The following EP400 variants were observed in gnomAD, a reference collection of about 807,000 sequenced individuals.
EP400 encodes E1A-binding protein p400.
A neutral mutation model predicts 354.1 loss-of-function variants in EP400; 105 were observed. That is an observed-to-expected ratio of 0.30 (90% CI 0.25 to 0.35). The LOEUF (loss-of-function observed/expected upper bound fraction) is 0.35, where lower values mean the gene tolerates loss of function less well. Among genes scored for constraint, EP400 ranks in the 10% least tolerant of loss-of-function variants. The pLI is 1.00. For synonymous variants in EP400, 1,646 were observed against 1,716.9 expected (o/e 0.96, Z 1.02); for missense variants, 3,280 against 4,121.0 (o/e 0.80, Z 5.59).
At position 131,987,803 on chromosome 12, in the gene EP400, C is replaced by T. The variant is rs1892902134; in HGVS notation, c.2322C>T (p.Ser774=). ...PKLQEAPRPK[S]HWDYLLEEMQ... The stretch of plus-strand genomic sequence containing the variant: ...TGCAGGAGGCCCCACGCCCCAAGTC[C>T]CACTGGGACTATCTGCTGGAGGAGA... Residue 774 remains serine (S), a synonymous_variant, in exon 7 of 53, where the codon TCC becomes TCT. Transcript: ENST00000389561. 6.2e-7 allele frequency: 1 copy of T among 1,613,370 alleles called. No individual in the cohort carries two copies. Among genetic ancestry groups the T allele is most frequent in the South Asian group, 1.1e-5 (1 of 91,002 alleles).
At chr12:131,997,371 C>T (rs572604739) in intron 12 of EP400, among the ~76,000 whole-genome samples, 4 of 151,592 alleles carry the variant, frequency 2.6e-5, no homozygotes, top group South Asian at 4.2e-4. Flanking sequence ...TGGGCTCAGA[C>T]GATCCTTCCA....
chr12:131,994,848 T>C lies in EP400; in HGVS notation c.2738-19T>C. On this transcript the variant is annotated intron_variant, in intron 11 of 52. Transcript: ENST00000389561. The surrounding 1 kb of genome is among the most constrained non-coding windows in gnomAD (Gnocchi z 4.6). ...AAGTGGTGTTGCCTCTCAGTGACACTTGCTGATAACCATTTTAGTGGACGA... is the reference window on the plus strand; with the variant it reads ...AAGTGGTGTTGCCTCTCAGTGACACCTGCTGATAACCATTTTAGTGGACGA... 1 of 1,612,820 alleles carries C rather than the reference T, an allele frequency of 6.2e-7. No homozygotes were observed. Among genetic ancestry groups the C allele is most frequent in the South Asian group, 1.1e-5 (1 of 90,934 alleles).
Position 132,043,698 on chromosome 12 carries a change from T to C in EP400, c.6420T>C (p.Ser2140=), listed in dbSNP as rs2136575951. ...ALNYLELFHT[S]IEQEKERNSE... The stretch of plus-strand genomic sequence containing the variant: ...ATTACCTGGAATTATTCCATACTTC[T>C]ATTGAGCAAGAAAAGGAGAGAAACA... Residue 2140 remains serine (S), a synonymous_variant, in exon 34 of 53, where the codon TCT becomes TCC. Coordinates refer to ENST00000389561, the MANE Select transcript of EP400 (RefSeq NM_015409.5). The C allele has an allele frequency of 6.2e-7, 1 of 1,611,620 alleles. No homozygotes were observed. The highest frequency in any genetic ancestry group is 8.5e-7 in the Non-Finnish European group (1 of 1,179,446).
At chr12:132,063,928 C>G (rs141007730) in intron 47 of EP400, among the ~76,000 whole-genome samples, 210 of 152,316 alleles carry the variant, frequency 1.4e-3, no homozygotes, top group Non-Finnish European at 2.6e-3. Context: ...CCAGGCCCAG[C>G]AGAGGCAACT....
intron 39 of EP400, among the ~76,000 whole-genome samples, chr12:132,049,186 G>A (rs763200608): frequency 6.6e-5 from 10 of 152,232 alleles, no homozygotes; most frequent in Non-Finnish European, 1.3e-4. Flanking sequence ...GCGGGGCGGG[G>A]CATTCATGCC....
intron 39 of EP400, among the ~76,000 whole-genome samples, chr12:132,047,276 G>A (rs904891690): frequency 1.3e-5 from 2 of 151,970 alleles, no homozygotes; most frequent in African/African-American, 4.8e-5. Flanking sequence ...CATTAATTAG[G>A]TTTTCTGTGT....
At chr12:131,979,519 T>G (rs1462247200) in intron 2 of EP400, among the ~76,000 whole-genome samples, 175 bp from the exon 3 acceptor site, 1 of 151,184 alleles carries the variant, frequency 6.6e-6, no homozygotes, top group African/African-American at 2.4e-5. Context: ...GAACTTTAAA[T>G]TGTTTATTAT....
chr12:132,017,854 C>T lies in EP400; in HGVS notation c.4110+133C>T. The T allele has an allele frequency of 9.8e-7, 1 of 1,024,836 alleles. No individual in the cohort carries two copies. The highest frequency in any genetic ancestry group is 1.4e-6 in the Non-Finnish European group (1 of 720,650). The allele number at this position is 1,024,836 out of a possible 1,614,324, so 63.5% of individuals were successfully genotyped here. On this transcript the variant is annotated intron_variant, in intron 20 of 52. Coordinates refer to ENST00000389561, the MANE Select transcript of EP400 (RefSeq NM_015409.5). This position sits in a 1 kb window ranked among gnomAD's most constrained non-coding sequence, Gnocchi z 5.0. ...GCAATTGCAGCTCCGCGATACATGGCACCGTCTAGCAGCACTGATGGCCTG... is the reference window on the plus strand; with the variant it reads ...GCAATTGCAGCTCCGCGATACATGGTACCGTCTAGCAGCACTGATGGCCTG...
chr12:131,981,736 G>C, intron 4 of EP400, 140 bp downstream of exon 4: 1 of 697,746 alleles, frequency 1.4e-6, no homozygotes, highest in Non-Finnish European at 2.4e-6. Context: ...ATACTTCTCT[G>C]AGTCCCAGTC....
intron 15 of EP400, among the ~76,000 whole-genome samples, chr12:132,009,047 A>C (rs1405520003): frequency 5.6e-5 from 8 of 142,010 alleles, no homozygotes; most frequent in Admixed American, 2.8e-4. Context: ...CTAAGGAGCT[A>C]CTTAGGAGGC....
rs754997158 is a variant in EP400, at chr12:132,050,226, G to A, written c.7201-97G>A. ...GGAAGTTTGTGTTCAGCCATGGGGAGTTTAGCCTCAGATTCCCACCCAGTG... is the reference window on the plus strand; with the variant it reads ...GGAAGTTTGTGTTCAGCCATGGGGAATTTAGCCTCAGATTCCCACCCAGTG... On this transcript the variant is annotated intron_variant, in intron 39 of 52. Transcript: ENST00000389561. The surrounding 1 kb of genome is among the most constrained non-coding windows in gnomAD (Gnocchi z 4.8). 9.6e-6 allele frequency: 14 copies of A among 1,460,762 alleles called. No individual in the cohort carries two copies. The highest frequency in any genetic ancestry group is 2.3e-5 in the East Asian group (1 of 43,914). The allele number at this position is 1,460,762 out of a possible 1,614,324, so 90.5% of individuals were successfully genotyped here.
rs766337527 is a variant in EP400 at position 132,013,066 on chromosome 12, C to G, written c.3499C>G (p.Arg1167Gly). 4.3e-6 allele frequency: 7 copies of G among 1,613,892 alleles called. No homozygotes were observed. Among genetic ancestry groups the G allele is most frequent in the Non-Finnish European group, 5.9e-6 (7 of 1,180,032 alleles). ...CATCACGTCCTACACTCAGTTCTTC[C>G]GGGGCCTCACCGCCTTCACACGAGT... is the stretch of plus-strand genomic sequence containing the variant. ...VCITSYTQFF[R>G]GLTAFTRVRW... Residue 1167 changes from arginine to glycine, a missense_variant, in exon 17 of 53, where the codon CGG (arginine) becomes GGG (glycine). Arg to Gly is a moderately radical substitution (Grantham distance 125). Transcript: ENST00000389561. This position sits in a 1 kb window ranked among gnomAD's most constrained non-coding sequence, Gnocchi z 4.5.
chr12:132,059,983 A>G (rs1231584204), intron 45 of EP400, among the ~76,000 whole-genome samples: 1 of 151,954 alleles, frequency 6.6e-6, no homozygotes, highest in East Asian at 1.9e-4. Flanking sequence ...AGATCACACC[A>G]TTGCTCTCCA....
chr12:132,052,927 G>A lies in EP400; in HGVS notation c.7395-219G>A, dbSNP rs117612421. 6.8e-3 allele frequency among the ~76,000 whole-genome samples: 1,028 copies of A among 151,894 alleles called. 11 individuals are homozygous for A. Among genetic ancestry groups the A allele is most frequent in the Middle Eastern group, 0.027 (8 of 294 alleles). On this transcript the variant is annotated intron_variant, in intron 41 of 52. Transcript: ENST00000389561. The surrounding 1 kb of genome is among the most constrained non-coding windows in gnomAD (Gnocchi z 4.4). ...TCGGAGATACTTTTCCTGGAGAGTG[G>A]GAGAGCTCGGCCTCAAGGAAGAGGA...
Position 132,078,884 on chromosome 12 carries a change from A to G in EP400, c.*1211A>G, listed in dbSNP as rs1896313019. 1 of 152,210 alleles carries G rather than the reference A, an allele frequency of 6.6e-6. No individual in the cohort carries two copies. Among genetic ancestry groups the G allele is most frequent in the Non-Finnish European group, 1.5e-5 (1 of 68,038 alleles). The allele number at this position is 152,210 out of a possible 1,614,324, so 9.4% of individuals were successfully genotyped here. A position where few individuals can be genotyped will look rare whatever the true frequency, so the allele number is the denominator to read the frequency against. ...CTGTTTTTCCTTTTTTTACTATGAC[A>G]GGAAAATAAATGCAATTTTAGTGGA... On this transcript the variant is annotated 3_prime_UTR_variant, in exon 53 of 53. Coordinates refer to ENST00000389561, the MANE Select transcript of EP400 (RefSeq NM_015409.5).
In EP400 at chr12:132,005,149, C is replaced by G. The variant is rs764847067; in HGVS notation, c.2900C>G (p.Pro967Arg). The change falls in exon 13 of 53, where the codon CCG becomes CGG. Residue 967 changes from proline (P) to arginine (R), a missense_variant. By Grantham distance (103) the Pro-to-Arg change is moderately radical. Coordinates refer to ENST00000389561, the MANE Select transcript of EP400 (RefSeq NM_015409.5). The stretch of plus-strand genomic sequence containing the variant: ...CTGCCGAGTTCTCAGTGGCCCCGGC[C>G]GAAGCCTGATGGGGAGGACACAAGC... ...AFLPSSQWPR[P>R]KPDGEDTSGE... is the part of the protein sequence containing the mutation. 7 of 1,584,222 alleles carry G rather than the reference C, an allele frequency of 4.4e-6. No homozygotes were observed. Among genetic ancestry groups the G allele is most frequent in the South Asian group, 2.3e-5 (2 of 86,256 alleles).
chr12:131,960,118 G>A (rs1310870463), intron 1 of EP400, among the ~76,000 whole-genome samples: 4 of 152,226 alleles, frequency 2.6e-5, no homozygotes, highest in Admixed American at 1.3e-4. Flanking sequence ...AGAGACGGGC[G>A]GAAGCCGGAA....
Position 132,006,858 on chromosome 12 carries a change from C to T in EP400, c.3285C>T (p.Ala1095=). 1.2e-6 allele frequency: 2 copies of T among 1,613,404 alleles called. No homozygotes were observed. The highest frequency in any genetic ancestry group is 2.2e-5 in the South Asian group (2 of 90,842). ...CAGTGCAGATCATTGCTTTTTTTGCCCACCTAGCTTGTAACGAAGGTAAGA... is the reference window on the plus strand; with the variant it reads ...CAGTGCAGATCATTGCTTTTTTTGCTCACCTAGCTTGTAACGAAGGTAAGA... The part of the protein sequence containing the change: ...GKTVQIIAFF[A]HLACNEGNWG... Residue 1095 remains alanine (A), a synonymous_variant, in exon 15 of 53, where the codon GCC becomes GCT. Transcript: ENST00000389561.
rs572044564 is a variant in EP400, at chr12:132,051,926, G to A, written c.7395-1220G>A. On this transcript the variant is annotated intron_variant, in intron 41 of 52. Transcript: ENST00000389561. ...AGTGGGTGTCTTCCCAGACGCTGGC[G>A]TTACCGCTAGACCCAGGAGCCCTCT... Among the ~76,000 whole-genome samples, 5 of 152,264 alleles carry A rather than the reference G, an allele frequency of 3.3e-5. No homozygotes were observed. In the East Asian group the frequency reaches 5.8e-4, roughly 18 times the overall value.
Sources: gnomAD v4.1 joint callset for allele counts (sites outside exome capture counted in the v4.1 genomes callset) on GRCh38, gnomAD v4.1.1 for gene constraint, Gnocchi (gnomAD v3.1) non-coding constraint, MANE v1.5 for transcripts, NCBI Gene and HGNC (gene_info 2026-07-23, HGNC 2026-07-21) for gene names.